The following ZC3H12C variants were observed in gnomAD, a reference collection of about 807,000 sequenced individuals.
ZC3H12C encodes the protein probable ribonuclease ZC3H12C.
In ZC3H12C, 20 loss-of-function variants were observed where a neutral mutation model predicts 76.3. The observed-to-expected ratio is 0.26, with a 90% CI of 0.18 to 0.38. The LOEUF is 0.38. Among genes scored for constraint, ZC3H12C ranks in the 10% least tolerant of loss-of-function variants. ZC3H12C has a pLI of 1.00. For missense variants in ZC3H12C, 874 were observed against 1,086.5 expected (o/e 0.80, Z 2.75); for synonymous variants, 352 against 399.6 (o/e 0.88, Z 1.42).
At chr11:110,135,689 AG>A (rs1282601434) in intron 1 of ZC3H12C, among the ~76,000 whole-genome samples, 2 of 152,184 alleles carry the variant, frequency 1.3e-5, no homozygotes, top group African/African-American at 4.8e-5. Context: ...GGTGAAAAAT[AG>A]GAAAAAAGAT....
At chr11:110,111,424 CA>C (rs11348279) in intron 1 of ZC3H12C, among the ~76,000 whole-genome samples, 105,586 of 149,796 alleles carry the variant, frequency 0.7, 37,200 homozygotes, top group East Asian at 0.89. Context: ...TTTGTTATCT[CA>C]AAAAAAAAAA....
In ZC3H12C at chr11:110,167,470, T is replaced by C. The variant is rs1862604961; in HGVS notation, c.*1733T>C. 6.6e-6 allele frequency: 1 copy of C among 152,112 alleles called. No individual in the cohort carries two copies. Among genetic ancestry groups the C allele is most frequent in the Admixed American group, 6.5e-5 (1 of 15,278 alleles). 9.4% of individuals were successfully genotyped at this position (152,112 alleles called of 1,614,324 possible). A position where few individuals can be genotyped will look rare whatever the true frequency, so the allele number is the denominator to read the frequency against. On this transcript the variant is annotated 3_prime_UTR_variant, in exon 6 of 6. Coordinates refer to ENST00000278590, the MANE Select transcript of ZC3H12C (RefSeq NM_033390.2). ...AATAGAAATGTCTGTCTTAGTTTTATATAATATATTAAAACACAGTAAATA... is the reference window on the plus strand; with the variant it reads ...AATAGAAATGTCTGTCTTAGTTTTACATAATATATTAAAACACAGTAAATA...
At chr11:110,133,723 G>A (rs547361647) in intron 1 of ZC3H12C, among the ~76,000 whole-genome samples, 53 of 152,044 alleles carry the variant, frequency 3.5e-4, no homozygotes, top group Admixed American at 7.2e-4. Flanking sequence ...CCTATTTTCC[G>A]CCTTGTATCA....
In ZC3H12C at chr11:110,127,909, A is replaced by AAAG. The variant is rs1555018839; in HGVS notation, c.22-8753_22-8752insAGA. Reference sequence around the variant, plus strand: ...AGACTTACTCTCAAAAAAAAAAAAAAAGAGATTACATATTAAAGAGAGTGG... The same window carrying AAAG: ...AGACTTACTCTCAAAAAAAAAAAAAAAAGAGAGATTACATATTAAAGAGAGTGG... On this transcript the variant is annotated intron_variant, in intron 1 of 5. Coordinates refer to ENST00000278590, the MANE Select transcript of ZC3H12C (RefSeq NM_033390.2). 7.3e-4 allele frequency among the ~76,000 whole-genome samples: 109 copies of AAAG among 148,560 alleles called. 1 individual carries two copies. The highest frequency in any genetic ancestry group is 1.0e-3 in the Non-Finnish European group (69 of 67,174).
rs1380257651 is a variant in ZC3H12C, at chr11:110,096,512, G to A, written c.21+3080G>A. ...TCTATTATCCCCAGTCTATAGATGC[G>A]GAAGCAGAGACACTGAGTTTGAGTA... On this transcript the variant is annotated intron_variant, in intron 1 of 5. Coordinates refer to ENST00000278590, the MANE Select transcript of ZC3H12C (RefSeq NM_033390.2). 3.9e-5 allele frequency among the ~76,000 whole-genome samples: 6 copies of A among 152,232 alleles called. No individual in the cohort carries two copies. In the South Asian group the frequency reaches 8.3e-4, roughly 21 times the overall value.
chr11:110,145,931 C>T (rs753885521), intron 2 of ZC3H12C, among the ~76,000 whole-genome samples: 3 of 152,070 alleles, frequency 2.0e-5, no homozygotes, highest in Non-Finnish European at 4.4e-5. Context: ...GAATCTCAGA[C>T]GAAAAAGAAA....
At chr11:110,144,777 T>G (rs1305997211) in intron 2 of ZC3H12C, among the ~76,000 whole-genome samples, 1 of 152,156 alleles carries the variant, frequency 6.6e-6, no homozygotes, top group African/African-American at 2.4e-5. Flanking sequence ...GTTCTTTTCT[T>G]CACTGCCATA....
chr11:110,102,058 A>G (rs1397592704), intron 1 of ZC3H12C, among the ~76,000 whole-genome samples: 1 of 151,638 alleles, frequency 6.6e-6, no homozygotes, highest in Non-Finnish European at 1.5e-5. Context: ...GAGATTTACA[A>G]GGAGATTAAT....
intron 1 of ZC3H12C, among the ~76,000 whole-genome samples, chr11:110,111,968 C>T (rs1254437642): frequency 1.3e-5 from 1 of 74,992 alleles, no homozygotes; most frequent in Non-Finnish European, 2.9e-5. Context: ...GTCATGCACA[C>T]GTGCACACAT....
chr11:110,114,492 C>T (rs977925957), intron 1 of ZC3H12C, among the ~76,000 whole-genome samples: 2 of 152,166 alleles, frequency 1.3e-5, no homozygotes, highest in Admixed American at 1.3e-4. Flanking sequence ...TAACCTCCGT[C>T]TTTAACTAAG....
At chr11:110,136,332 G>T in intron 1 of ZC3H12C, 1 of 207,752 alleles carries the variant, frequency 4.8e-6, no homozygotes, top group Non-Finnish European at 9.6e-6. Flanking sequence ...CCTAAAAGTA[G>T]AAAAATCTGA....
chr11:110,104,673 G>A (rs1158460017), intron 1 of ZC3H12C, among the ~76,000 whole-genome samples: 1 of 152,172 alleles, frequency 6.6e-6, no homozygotes, highest in Non-Finnish European at 1.5e-5. Flanking sequence ...GCCATTTACT[G>A]GTTGTGACCT....
intron 1 of ZC3H12C, among the ~76,000 whole-genome samples, chr11:110,096,035 G>A (rs1340291797): frequency 6.6e-6 from 1 of 152,202 alleles, no homozygotes; most frequent in Non-Finnish European, 1.5e-5. Context: ...TGTGTTTTAA[G>A]TGCTAATATG....
At chr11:110,111,748 G>T (rs1002433142) in intron 1 of ZC3H12C, among the ~76,000 whole-genome samples, 29 of 141,874 alleles carry the variant, frequency 2.0e-4, no homozygotes, top group Non-Finnish European at 3.0e-4. Context: ...TTTCTGTGTT[G>T]CCCAGGCTGG....
intron 1 of ZC3H12C, 114 bp from the exon 2 acceptor site, chr11:110,136,549 G>T (rs1415924930): frequency 1.2e-5 from 14 of 1,193,532 alleles, no homozygotes; most frequent in Non-Finnish European, 1.6e-5. Flanking sequence ...AGGAGAGGAT[G>T]TAGACAAAAT....
At position 110,167,116 on chromosome 11, in the gene ZC3H12C, G is replaced by T. The variant is rs541321209; in HGVS notation, c.*1379G>T. 6.6e-6 allele frequency: 1 copy of T among 152,280 alleles called. No homozygotes were observed. The highest frequency in any genetic ancestry group is 1.9e-4 in the East Asian group (1 of 5,192). 9.4% of individuals were successfully genotyped at this position (152,280 alleles called of 1,614,324 possible). ...GTTGTGTGATTGACATCACTTGACTGTTGCGTCCAGGTTTTGAATTGTACT... is the reference window on the plus strand; with the variant it reads ...GTTGTGTGATTGACATCACTTGACTTTTGCGTCCAGGTTTTGAATTGTACT... On this transcript the variant is annotated 3_prime_UTR_variant, in exon 6 of 6. Coordinates refer to ENST00000278590, the MANE Select transcript of ZC3H12C (RefSeq NM_033390.2).
In ZC3H12C at chr11:110,165,322, C is replaced by T. The variant is rs181296788; in HGVS notation, c.2237C>T (p.Thr746Met). 3.1e-6 allele frequency: 5 copies of T among 1,613,988 alleles called. No individual in the cohort carries two copies. Among genetic ancestry groups the T allele is most frequent in the Admixed American group, 3.3e-5 (2 of 60,012 alleles). ...CACCTAGGGAGGTCCTTGGTGGCCA[C>T]GAGAATAGACAGCATCTCTGACTCT... ...APHLGRSLVA[T>M]RIDSISDSRL... Residue 746 changes from threonine (T) to methionine (M), a missense_variant, in exon 6 of 6, where the codon ACG becomes ATG. Thr to Met is a moderately conservative substitution (Grantham distance 81). Coordinates refer to ENST00000278590, the MANE Select transcript of ZC3H12C (RefSeq NM_033390.2).
chr11:110,120,212 T>A (rs1861628760), intron 1 of ZC3H12C, among the ~76,000 whole-genome samples: 1 of 152,184 alleles, frequency 6.6e-6, no homozygotes. Context: ...GGTCACAACA[T>A]TTTTATCAGC....
At chr11:110,132,260 A>G (rs1216711054) in intron 1 of ZC3H12C, among the ~76,000 whole-genome samples, 1 of 152,150 alleles carries the variant, frequency 6.6e-6, no homozygotes, top group Admixed American at 6.5e-5. Context: ...TTTGAGACGA[A>G]GAATTATCCA....
Sources: allele counts gnomAD v4.1 joint callset (sites outside exome capture counted in the v4.1 genomes callset), GRCh38; gene constraint gnomAD v4.1.1; transcripts MANE v1.5; gene names NCBI Gene and HGNC (gene_info 2026-07-23, HGNC 2026-07-21).